VDAC1: variants seen among roughly 807,000 people sequenced by gnomAD.
VDAC1 encodes voltage dependent anion channel 1.
In VDAC1, 10 loss-of-function variants were observed where a neutral mutation model predicts 34.7. That is an observed-to-expected ratio of 0.29 (90% CI 0.18 to 0.49). The LOEUF (loss-of-function observed/expected upper bound fraction) is 0.49, where lower values mean the gene tolerates loss of function less well. Ranked by LOEUF, VDAC1 falls within the 20% of genes least tolerant of loss-of-function variation. The probability of loss-of-function intolerance (pLI) is 0.99; values close to 1 mark genes in which losing one functional copy is unlikely to be tolerated. For missense variants in VDAC1, 230 were observed against 347.9 expected (o/e 0.66, Z 2.69); for synonymous variants, 130 against 136.0 (o/e 0.96, Z 0.30).
At chr5:134,003,681 G>C (rs1753646868) in intron 1 of VDAC1, among the ~76,000 whole-genome samples, 5 of 152,336 alleles carry the variant, frequency 3.3e-5, no homozygotes, top group Admixed American at 2.6e-4. Flanking sequence ...AAGGGTGTCA[G>C]GGTTTCTACT....
chr5:134,081,944 A>G, the VDAC1 span: 1 of 157,512 alleles, frequency 6.3e-6, no homozygotes, highest in Non-Finnish European at 1.4e-5. Flanking sequence ...CCCGGCATCA[A>G]GTCCTTTTTT....
the VDAC1 span, among the ~76,000 whole-genome samples, chr5:134,048,915 A>G: frequency 1.2e-4 from 19 of 152,324 alleles, no homozygotes; most frequent in South Asian, 3.9e-3. Context: ...TGCTGAGTGA[A>G]TGAATGAATG....
chr5:134,088,823 T>G, the VDAC1 span, among the ~76,000 whole-genome samples: 1 of 152,112 alleles, frequency 6.6e-6, no homozygotes, highest in Non-Finnish European at 1.5e-5. Flanking sequence ...ACATTCCAAG[T>G]TTTCCCCCAA....
At chr5:134,044,970 G>C in the VDAC1 span, among the ~76,000 whole-genome samples, 1 of 152,150 alleles carries the variant, frequency 6.6e-6, no homozygotes, top group Admixed American at 6.5e-5. Context: ...GGAGCCAGAG[G>C]GCAGTTTTGG....
chr5:133,974,749 T>TTAAAATTAAA (rs1752410730), intron 7 of VDAC1, among the ~76,000 whole-genome samples: 1 of 152,144 alleles, frequency 6.6e-6, no homozygotes. Context: ...GGTCAGGAGT[T>TTAAAATTAAA]CGAGACCAGC....
chr5:134,103,895 C>T, the VDAC1 span, among the ~76,000 whole-genome samples: 5 of 152,172 alleles, frequency 3.3e-5, no homozygotes, highest in Admixed American at 2.0e-4. Flanking sequence ...GCACTAGGAG[C>T]GCTGCTCGGC....
intron 5 of VDAC1, among the ~76,000 whole-genome samples, chr5:133,982,120 C>G (rs1288356627): frequency 6.6e-6 from 1 of 152,184 alleles, no homozygotes; most frequent in Admixed American, 6.5e-5. Context: ...CCTGAAGAGG[C>G]TCCCAAGGGC....
At chr5:134,059,952 G>A in the VDAC1 span, among the ~76,000 whole-genome samples, 7 of 151,842 alleles carry the variant, frequency 4.6e-5, 1 homozygote, top group Admixed American at 6.6e-5. Flanking sequence ...TCCTTCAGGA[G>A]CAATCACACC....
chr5:134,099,677 C>T, the VDAC1 span, among the ~76,000 whole-genome samples: 1 of 152,198 alleles, frequency 6.6e-6, no homozygotes, highest in African/African-American at 2.4e-5. Context: ...ACCTCTTTGG[C>T]TTAAGCAATT....
At chr5:134,056,310 T>G in the VDAC1 span, among the ~76,000 whole-genome samples, 1 of 152,174 alleles carries the variant, frequency 6.6e-6, no homozygotes, top group East Asian at 1.9e-4. Flanking sequence ...GATATGATTT[T>G]TGCATAAATC....
chr5:134,076,887 T>G, the VDAC1 span, among the ~76,000 whole-genome samples: 1 of 152,180 alleles, frequency 6.6e-6, no homozygotes, highest in Non-Finnish European at 1.5e-5. Flanking sequence ...CCTCTGTGGG[T>G]ACCTAACAGG....
At chr5:134,113,057 T>C in the VDAC1 span, among the ~76,000 whole-genome samples, 1 of 151,902 alleles carries the variant, frequency 6.6e-6, no homozygotes, top group Non-Finnish European at 1.5e-5. Flanking sequence ...ACCTCAGGAG[T>C]TGAGGTGGCG....
chr5:134,095,475 T>G, the VDAC1 span, among the ~76,000 whole-genome samples: 2 of 140,102 alleles, frequency 1.4e-5, no homozygotes, highest in Non-Finnish European at 1.6e-5. Flanking sequence ...AGAGTGAGAC[T>G]CTGTCTCAGT....
At chr5:134,052,868 G>A in the VDAC1 span, among the ~76,000 whole-genome samples, 2 of 152,048 alleles carry the variant, frequency 1.3e-5, no homozygotes, top group Non-Finnish European at 2.9e-5. Context: ...TGTAATCCCA[G>A]CACTTTGGGA....
At chr5:134,024,705 C>A in the VDAC1 span, among the ~76,000 whole-genome samples, 1 of 152,164 alleles carries the variant, frequency 6.6e-6, no homozygotes, top group Non-Finnish European at 1.5e-5. Flanking sequence ...GCTGTGCTGC[C>A]CTCAGAGCTT....
At chr5:134,081,036 T>A in the VDAC1 span, among the ~76,000 whole-genome samples, 1 of 131,966 alleles carries the variant, frequency 7.6e-6, no homozygotes. Flanking sequence ...CCACTATGCC[T>A]AACTTTTTTT....
At chr5:134,080,554 G>GGGCAGGTTAAGTCACCT in the VDAC1 span, among the ~76,000 whole-genome samples, 1 of 151,712 alleles carries the variant, frequency 6.6e-6, no homozygotes, top group Admixed American at 6.6e-5. Flanking sequence ...TTAAGTCACC[G>GGGCAGGTTAAGTCACCT]AGGTACCATA....
the VDAC1 span, among the ~76,000 whole-genome samples, chr5:134,031,678 G>A: frequency 5.3e-5 from 8 of 152,180 alleles, no homozygotes; most frequent in Middle Eastern, 6.8e-3. Context: ...TAGGCCAGGC[G>A]CAGTGGCTCA....
chr5:134,025,651 G>A, the VDAC1 span, among the ~76,000 whole-genome samples: 17 of 152,014 alleles, frequency 1.1e-4, no homozygotes, highest in Admixed American at 3.9e-4. Context: ...GTGCAGTGGC[G>A]CAATCTCTGC....
Sources: gnomAD v4.1 joint callset for allele counts (sites outside exome capture counted in the v4.1 genomes callset) on GRCh38, gnomAD v4.1.1 for gene constraint, MANE v1.5 for transcripts, NCBI Gene and HGNC (gene_info 2026-07-23, HGNC 2026-07-21) for gene names.